PCDHA13: variants seen among roughly 807,000 people sequenced by gnomAD.
PCDHA13 encodes protocadherin alpha-13.
Under a neutral mutation model 64.8 loss-of-function variants are expected in PCDHA13, and 54 were observed. The observed-to-expected ratio is 0.83, with a 90% CI of 0.67 to 1.04. The LOEUF (loss-of-function observed/expected upper bound fraction) is 1.04. Ranked by LOEUF, PCDHA13 falls within the 50% of genes least tolerant of loss-of-function variation. PCDHA13 has a pLI of 0.00. For synonymous variants in PCDHA13, 587 were observed against 564.4 expected (o/e 1.04, Z -0.57); for missense variants, 1,248 against 1,254.3 (o/e 0.99, Z 0.08).
At chr5:140,929,373 C>T (rs1563116244) in intron 1 of PCDHA13, 1 of 1,514,818 alleles carries the variant, frequency 6.6e-7, no homozygotes, top group Non-Finnish European at 8.8e-7. Context: ...GAGATGGCTG[C>T]TAGCTGTGTT....
chr5:140,927,265 C>G lies in PCDHA13; in HGVS notation c.2394+42603C>G, dbSNP rs2084026948. The G allele has an allele frequency of 6.2e-7, 1 of 1,614,168 alleles. No individual in the cohort carries two copies. Among genetic ancestry groups the G allele is most frequent in the Non-Finnish European group, 8.5e-7 (1 of 1,180,038 alleles). On this transcript the variant is annotated intron_variant, in intron 1 of 3. Coordinates refer to ENST00000289272, the MANE Select transcript of PCDHA13 (RefSeq NM_018904.3). ...CACCAATGACAACTCACCTCTCTTTCCTGCCGGCGACGTGCAGCTGCACAT... is the reference window on the plus strand; with the variant it reads ...CACCAATGACAACTCACCTCTCTTTGCTGCCGGCGACGTGCAGCTGCACAT...
intron 1 of PCDHA13, chr5:140,929,003 G>A: frequency 6.2e-7 from 1 of 1,614,106 alleles, no homozygotes; most frequent in South Asian, 1.1e-5. Flanking sequence ...TTCTTCGTGT[G>A]TACCAAGTTG....
At chr5:140,985,690 C>G (rs752184454) in intron 3 of PCDHA13, among the ~76,000 whole-genome samples, 1 of 151,742 alleles carries the variant, frequency 6.6e-6, no homozygotes, top group Admixed American at 6.6e-5. Flanking sequence ...TACGCTAATC[C>G]TCGTTCATAT....
In PCDHA13 at chr5:140,969,317, G is replaced by T. The variant is rs1554231675; in HGVS notation, c.2395-9632G>T. 3 of 1,614,156 alleles carry T rather than the reference G, an allele frequency of 1.9e-6. No homozygotes were observed. The East Asian group carries it at 6.7e-5, about 36-fold the overall frequency. ...CCTGATTATTCTCAAAAATGAGGCT[G>T]TTTCTCAAAATGAGGTGAGACAGTG... is the stretch of plus-strand genomic sequence containing the variant. On this transcript the variant is annotated intron_variant, in intron 1 of 3. Transcript: ENST00000289272.
intron 1 of PCDHA13, among the ~76,000 whole-genome samples, chr5:140,890,847 C>A (rs2062829860): frequency 1.3e-5 from 2 of 152,148 alleles, no homozygotes. Flanking sequence ...AGTTTTGTTT[C>A]TCTTCCTTAC....
intron 1 of PCDHA13, among the ~76,000 whole-genome samples, chr5:140,976,091 C>CAACTTTTCAA (rs2096700073): frequency 6.6e-6 from 1 of 152,166 alleles, no homozygotes; most frequent in Non-Finnish European, 1.5e-5. Flanking sequence ...TATCAGTAGT[C>CAACTTTTCAA]AACTTTTCAA....
chr5:140,977,314 C>T (rs905353961), intron 1 of PCDHA13, among the ~76,000 whole-genome samples: 1 of 152,152 alleles, frequency 6.6e-6, no homozygotes, highest in Non-Finnish European at 1.5e-5. Context: ...AACGATAGTG[C>T]TCCTGATGGC....
intron 3 of PCDHA13, among the ~76,000 whole-genome samples, chr5:140,992,671 T>C (rs932477687): frequency 1.3e-5 from 2 of 152,116 alleles, no homozygotes; most frequent in African/African-American, 4.8e-5. Context: ...GGTGTGTATG[T>C]GTGTGTTAGG....
chr5:140,895,174 A>T (rs1554186407), intron 1 of PCDHA13, among the ~76,000 whole-genome samples: 2 of 152,150 alleles, frequency 1.3e-5, no homozygotes, highest in African/African-American at 4.8e-5. Context: ...ATCTATTTGT[A>T]GTCCCTTCTG....
intron 1 of PCDHA13, chr5:140,967,283 C>T: frequency 6.2e-7 from 1 of 1,613,158 alleles, no homozygotes; most frequent in Non-Finnish European, 8.5e-7. Context: ...AGAGAGTGCG[C>T]AGGACCCCGA....
At chr5:140,979,966 A>G (rs1029035910) in intron 2 of PCDHA13, among the ~76,000 whole-genome samples, 7 of 152,258 alleles carry the variant, frequency 4.6e-5, no homozygotes, top group Non-Finnish European at 7.3e-5. Context: ...TTAGCCCATT[A>G]AAATGCATTA....
At chr5:140,888,623 C>T (rs1456857060) in intron 1 of PCDHA13, among the ~76,000 whole-genome samples, 1 of 152,160 alleles carries the variant, frequency 6.6e-6, no homozygotes. Context: ...ACTAATTCGG[C>T]CTTCTATTAC....
Position 140,906,732 on chromosome 5 carries a change from T to G in PCDHA13, c.2394+22070T>G, listed in dbSNP as rs535007647. On this transcript the variant is annotated intron_variant, in intron 1 of 3. Coordinates refer to ENST00000289272, the MANE Select transcript of PCDHA13 (RefSeq NM_018904.3). ...CTGCCTGGATTGTGCTGTTGTAGTT[T>G]CCCATTGACACAGGGCATGGTAATA... Among the ~76,000 whole-genome samples, 14 of 152,296 alleles carry G rather than the reference T, an allele frequency of 9.2e-5. No individual in the cohort carries two copies. The South Asian group carries it at 2.7e-3, about 29-fold the overall frequency.
At chr5:140,934,100 T>C (rs554832439) in intron 1 of PCDHA13, among the ~76,000 whole-genome samples, 3 of 152,280 alleles carry the variant, frequency 2.0e-5, no homozygotes, top group Non-Finnish European at 4.4e-5. Context: ...GTTTGCTTTC[T>C]ATTTTATTAA....
intron 3 of PCDHA13, among the ~76,000 whole-genome samples, chr5:140,998,569 G>GT (rs71574497): frequency 0.37 from 55,088 of 149,258 alleles, 10,597 homozygotes; most frequent in African/African-American, 0.48. Flanking sequence ...TTGTAAATAA[G>GT]TTTTTTTTTT....
At chr5:140,945,437 A>T (rs2093790061) in intron 1 of PCDHA13, among the ~76,000 whole-genome samples, 1 of 152,192 alleles carries the variant, frequency 6.6e-6, no homozygotes, top group South Asian at 2.1e-4. Context: ...TTTTACAGAA[A>T]TATAAAAAAC....
chr5:140,918,153 C>A (rs1554198452), intron 1 of PCDHA13, among the ~76,000 whole-genome samples: 2 of 152,036 alleles, frequency 1.3e-5, no homozygotes, highest in African/African-American at 2.4e-5. Flanking sequence ...TTGTGTATGT[C>A]TATTGTAAAT....
chr5:140,954,885 T>C (rs1291095041), intron 1 of PCDHA13, among the ~76,000 whole-genome samples: 1 of 152,218 alleles, frequency 6.6e-6, no homozygotes, highest in Non-Finnish European at 1.5e-5. Context: ...GCTTTTCTTC[T>C]AGGGTTTTTA....
intron 3 of PCDHA13, among the ~76,000 whole-genome samples, chr5:140,996,581 A>C (rs1554255228): frequency 6.6e-6 from 1 of 152,118 alleles, no homozygotes; most frequent in Non-Finnish European, 1.5e-5. Flanking sequence ...ATTTGTTAAC[A>C]AGGGCCGCCT....
Sources: gnomAD v4.1 joint callset for allele counts (sites outside exome capture counted in the v4.1 genomes callset) on GRCh38, gnomAD v4.1.1 for gene constraint, MANE v1.5 for transcripts, NCBI Gene and HGNC (gene_info 2026-07-23, HGNC 2026-07-21) for gene names.